Variants in UTP15 observed in about 807,000 individuals in gnomAD.
UTP15 encodes UTP15 small subunit processome component.
Under a neutral mutation model 59.1 loss-of-function variants are expected in UTP15, and 5 were observed. That is an observed-to-expected ratio of 0.08 (90% CI 0.04 to 0.18). The LOEUF is 0.18. Among genes scored for constraint, UTP15 ranks in the 10% least tolerant of loss-of-function variants. The pLI is 1.00. For missense variants in UTP15, 494 were observed against 616.7 expected, an observed-to-expected ratio of 0.80 and a Z score of 2.11; for synonymous variants, 211 against 212.2, an observed-to-expected ratio of 0.99 and a Z score of 0.05.
intron 12 of UTP15, 135 bp from the exon 13 acceptor site, chr5:73,579,742 T>G (rs343121): frequency 0.21 from 103,318 of 502,560 alleles, 11,842 homozygotes; most frequent in Non-Finnish European, 0.24. Flanking sequence ...TATAAATCAT[T>G]AATTAATTAT....
At chr5:73,573,050 C>T (rs1402155080) in intron 7 of UTP15, among the ~76,000 whole-genome samples, 3 of 152,152 alleles carry the variant, frequency 2.0e-5, no homozygotes, top group Admixed American at 6.5e-5. Flanking sequence ...CCCACCTCAG[C>T]CTCCCAAAGT....
At chr5:73,578,192 T>A (rs1580395460) in intron 9 of UTP15, 187 bp downstream of exon 9, 1 of 553,998 alleles carries the variant, frequency 1.8e-6, no homozygotes, top group Non-Finnish European at 3.1e-6. Flanking sequence ...AGGACTACTT[T>A]ATGTAATACT....
chr5:73,579,064 G>A lies in UTP15; in HGVS notation c.1194G>A (p.Lys398=), dbSNP rs1046644908. The A allele has an allele frequency of 6.2e-7, 1 of 1,613,924 alleles. No homozygotes were observed. The part of the protein sequence containing the change: ...KTPEITVSII[K]ELNRRGVLAN... ...CCGAGATTACGGTGTCCATCATAAAGGAGTTAAATCGAAGAGGAGTCCTTG... is the reference window on the plus strand; with the variant it reads ...CCGAGATTACGGTGTCCATCATAAAAGAGTTAAATCGAAGAGGAGTCCTTG... The change falls in exon 11 of 13, where the codon AAG becomes AAA. Residue 398 remains lysine, a synonymous_variant. Transcript: ENST00000296792.
intron 4 of UTP15, 133 bp from the exon 5 acceptor site, chr5:73,569,364 G>A (rs1747869657): frequency 1.7e-6 from 1 of 597,180 alleles, no homozygotes; most frequent in Non-Finnish European, 2.7e-6. Context: ...TTTCTTTCAT[G>A]ATTTCCCCCT....
At chr5:73,567,478 C>T in intron 2 of UTP15, 44 bp downstream of exon 2, 1 of 1,412,124 alleles carries the variant, frequency 7.1e-7, no homozygotes, top group Non-Finnish European at 9.8e-7. Flanking sequence ...TGTGTTTATG[C>T]CAATTTCTCT....
rs765465458 is a variant in UTP15, at chr5:73,579,108, G to A, written c.1238G>A (p.Arg413Gln). 3.4e-5 allele frequency: 55 copies of A among 1,613,816 alleles called. No homozygotes were observed. The Admixed American group carries it at 5.3e-4, about 16-fold the overall frequency. ...GTCCTTGCAAATGCGCTTGCAGGTC[G>A]GGATGAGAAGGAAATCAGTCATGTT... ...RGVLANALAG[R>Q]DEKEISHVLN... Residue 413 changes from arginine to glutamine, a missense_variant, in exon 11 of 13, where the codon CGG becomes CAG. By Grantham distance (43) the Arg-to-Gln change is conservative. Transcript: ENST00000296792.
rs1408153915 is a variant in UTP15 at position 73,565,788 on chromosome 5, T to C, written c.-208T>C. Reference sequence around the variant, plus strand: ...TCGGTTCGCTGTGTGTGTCGCCGGCTCCTTGAGGGTCCATGTGATTTTTAC... The same window carrying C: ...TCGGTTCGCTGTGTGTGTCGCCGGCCCCTTGAGGGTCCATGTGATTTTTAC... On this transcript the variant is annotated 5_prime_UTR_variant, in exon 1 of 13. Transcript: ENST00000296792. 2.2e-6 allele frequency: 1 copy of C among 456,176 alleles called. No individual in the cohort carries two copies. Among genetic ancestry groups the C allele is most frequent in the Non-Finnish European group, 4.4e-6 (1 of 226,960 alleles). The allele number at this position is 456,176 out of a possible 1,614,324, so 28.3% of individuals were successfully genotyped here. A position where few individuals can be genotyped will look rare whatever the true frequency, so the allele number is the denominator to read the frequency against.
rs749890113 is a variant in UTP15 at position 73,577,914 on chromosome 5, G to A, written c.953G>A (p.Arg318Gln). ...AATGGAATACTGAGTGTTAAACATC[G>A]GAAATCTGAAGCAAAGAAGGAATCA... is the stretch of plus-strand genomic sequence containing the variant. ...MTNGILSVKH[R>Q]KSEAKKESLP... Residue 318 changes from arginine (R) to glutamine (Q), a missense_variant, in exon 9 of 13, where the codon CGG (arginine) becomes CAG (glutamine). Physicochemically the swap from Arg to Gln is conservative, Grantham distance 43 (BLOSUM62 1). Coordinates refer to ENST00000296792, the MANE Select transcript of UTP15 (RefSeq NM_032175.4). 5.0e-6 allele frequency: 8 copies of A among 1,590,444 alleles called. No homozygotes were observed. Among genetic ancestry groups the A allele is most frequent in the East Asian group, 2.3e-5 (1 of 42,984 alleles).
chr5:73,577,009 A>G lies in UTP15; in HGVS notation c.867A>G (p.Ala289=), dbSNP rs149602338. ...SYKVVHSFDY[A]ASILSLALAH... ...AAGTAGTCCACAGTTTTGATTATGC[A>G]GCTTCAATTTTGAGTCTTGCCCTTG... Residue 289 remains alanine, a synonymous_variant, in exon 8 of 13, where the codon GCA becomes GCG. Transcript: ENST00000296792. 166 of 1,611,502 alleles carry G rather than the reference A, an allele frequency of 1.0e-4. No individual in the cohort carries two copies. In the African/African-American group the frequency reaches 1.8e-3, roughly 17 times the overall value.
At position 73,582,965 on chromosome 5, in the gene UTP15, G is replaced by A. The variant is rs1456711536; in HGVS notation, c.*2871G>A. ...CACTTGGGAAGGTTTATGCTAATGGGGTCAAGCATTTGCAATGCTGCTTAA... is the reference window on the plus strand; with the variant it reads ...CACTTGGGAAGGTTTATGCTAATGGAGTCAAGCATTTGCAATGCTGCTTAA... On this transcript the variant is annotated 3_prime_UTR_variant, in exon 13 of 13. Coordinates refer to ENST00000296792, the MANE Select transcript of UTP15 (RefSeq NM_032175.4). 3 of 152,100 alleles carry A rather than the reference G, an allele frequency of 2.0e-5. No individual in the cohort carries two copies. The highest frequency in any genetic ancestry group is 7.2e-5 in the African/African-American group (3 of 41,414). 9.4% of individuals were successfully genotyped at this position (152,100 alleles called of 1,614,324 possible). A position where few individuals can be genotyped will look rare whatever the true frequency, so the allele number is the denominator to read the frequency against.
At chr5:73,574,379 GATAAA>G (rs1748027552) in intron 7 of UTP15, among the ~76,000 whole-genome samples, 1 of 151,792 alleles carries the variant, frequency 6.6e-6, no homozygotes, top group Non-Finnish European at 1.5e-5. Context: ...ATTAAAATTA[GATAAA>G]ATAAAAAATT....
Position 73,577,150 on chromosome 5 carries a change from A to G in UTP15, c.894+114A>G, listed in dbSNP as rs555292507. 19 of 784,108 alleles carry G rather than the reference A, an allele frequency of 2.4e-5. No individual in the cohort carries two copies. In the Admixed American group the frequency reaches 3.3e-4, roughly 14 times the overall value. The allele number at this position is 784,108 out of a possible 1,614,324, so 48.6% of individuals were successfully genotyped here. A position where few individuals can be genotyped will look rare whatever the true frequency, so the allele number is the denominator to read the frequency against. On this transcript the variant is annotated intron_variant, in intron 8 of 12. Coordinates refer to ENST00000296792, the MANE Select transcript of UTP15 (RefSeq NM_032175.4). The stretch of plus-strand genomic sequence containing the variant: ...TGAGTAACTTTTCTTGCCACATCAG[A>G]TATTTGAGTTAAGACAATTGCTGGA...
rs763231045 is a variant in UTP15 at position 73,568,516 on chromosome 5, T to C, written c.280T>C (p.Leu94=). 60 of 1,614,040 alleles carry C rather than the reference T, an allele frequency of 3.7e-5. No individual in the cohort carries two copies. The highest frequency in any genetic ancestry group is 5.0e-5 in the Non-Finnish European group (59 of 1,180,006). The change falls in exon 4 of 13, where the codon TTG becomes CTG. Residue 94 remains leucine (L), a synonymous_variant. Transcript: ENST00000296792. ...YCATFRQDGR[L]LVAGSEDGGV... ...TGCTACTTTTCGACAAGATGGTAGA[T>C]TGCTTGTGGCTGGCAGTGAAGATGG...
chr5:73,576,514 G>A (rs1485208882), intron 7 of UTP15, among the ~76,000 whole-genome samples: 2 of 147,250 alleles, frequency 1.4e-5, no homozygotes, highest in South Asian at 2.1e-4. Flanking sequence ...TGCTCTTGTC[G>A]CCCAGGCTGG....
At chr5:73,576,582 C>T (rs1255475923) in intron 7 of UTP15, among the ~76,000 whole-genome samples, 1 of 151,886 alleles carries the variant, frequency 6.6e-6, no homozygotes, top group Non-Finnish European at 1.5e-5. Flanking sequence ...TCAAGCAATT[C>T]TCCTGCCTCA....
chr5:73,575,344 A>C (rs1222666387), intron 7 of UTP15, among the ~76,000 whole-genome samples: 1 of 152,140 alleles, frequency 6.6e-6, no homozygotes. Context: ...TTTGTTCCTC[A>C]AGGAACGTTT....
At chr5:73,577,529 A>T (rs1323770449) in intron 8 of UTP15, among the ~76,000 whole-genome samples, 1 of 152,194 alleles carries the variant, frequency 6.6e-6, no homozygotes, top group Admixed American at 6.5e-5. Context: ...TGGGAGAGGA[A>T]AAGCTTATTA....
At chr5:73,579,200 A>G (rs368885330) in intron 11 of UTP15, 50 bp downstream of exon 11, 37 of 1,609,692 alleles carry the variant, frequency 2.3e-5, no homozygotes, top group African/African-American at 5.3e-5. Flanking sequence ...GAAATCCTTT[A>G]TCACCAAATA....
At chr5:73,568,139 T>C in intron 2 of UTP15, 96 bp from the exon 3 acceptor site, 1 of 914,570 alleles carries the variant, frequency 1.1e-6, no homozygotes, top group Non-Finnish European at 1.6e-6. Flanking sequence ...GAAATGTTAC[T>C]AAGAACAAAG....
Sources: allele counts gnomAD v4.1 joint callset (sites outside exome capture counted in the v4.1 genomes callset), GRCh38; gene constraint gnomAD v4.1.1; transcripts MANE v1.5; gene names NCBI Gene and HGNC (gene_info 2026-07-23, HGNC 2026-07-21).